Variants in MET observed in about 807,000 individuals in gnomAD.
The protein encoded by MET is MET proto-oncogene, receptor tyrosine kinase, also known as hepatocyte growth factor receptor.
A neutral mutation model predicts 133.1 loss-of-function variants in MET; 48 were observed. That is an observed-to-expected ratio of 0.36 (90% CI 0.29 to 0.46). The LOEUF (loss-of-function observed/expected upper bound fraction) is 0.46. Ranked by LOEUF, MET falls within the 20% of genes least tolerant of loss-of-function variation. The pLI, the probability that MET is intolerant of heterozygous loss-of-function variation, is 1.00. For missense variants in MET, 1,442 were observed against 1,695.9 expected (o/e 0.85, Z 2.63); for synonymous variants, 628 against 616.5 (o/e 1.02, Z -0.28).
At chr7:116,738,519 C>G (rs1793320317) in intron 3 of MET, among the ~76,000 whole-genome samples, 1 of 152,166 alleles carries the variant, frequency 6.6e-6, no homozygotes, top group Non-Finnish European at 1.5e-5. Flanking sequence ...CCAAGTGACC[C>G]TTCATCCATC....
intron 1 of MET, among the ~76,000 whole-genome samples, chr7:116,696,931 C>A (rs1796986081): frequency 6.6e-6 from 1 of 152,322 alleles, no homozygotes; most frequent in South Asian, 2.1e-4. Context: ...GAATCCTTCT[C>A]ATTTCCGCCT....
intron 11 of MET, among the ~76,000 whole-genome samples, chr7:116,767,456 G>A (rs1022870621): frequency 2.6e-5 from 4 of 152,132 alleles, no homozygotes; most frequent in African/African-American, 4.8e-5. Flanking sequence ...CACAGTAGAC[G>A]GTAAGTAGAT....
Position 116,797,685 on chromosome 7 carries a change from T to C in MET, c.*1561T>C. 1 of 227,268 alleles carries C rather than the reference T, an allele frequency of 4.4e-6. No individual in the cohort carries two copies. The highest frequency in any genetic ancestry group is 6.4e-5 in the East Asian group (1 of 15,704). 14.1% of individuals were successfully genotyped at this position (227,268 alleles called of 1,614,324 possible). ...AAATTTTGTTAGGCCACAAAAACACTGCACTGTGAACATTTTAGAAAAGGT... is the reference window on the plus strand; with the variant it reads ...AAATTTTGTTAGGCCACAAAAACACCGCACTGTGAACATTTTAGAAAAGGT... On this transcript the variant is annotated 3_prime_UTR_variant, in exon 21 of 21. Transcript: ENST00000397752.
intron 5 of MET, among the ~76,000 whole-genome samples, chr7:116,741,886 A>G (rs975128473): frequency 1.3e-5 from 2 of 152,214 alleles, no homozygotes; most frequent in African/African-American, 4.8e-5. Context: ...GTTTCTGGCA[A>G]TGGACATTGG....
At chr7:116,785,506 C>T (rs1795284917) in intron 19 of MET, among the ~76,000 whole-genome samples, 1 of 152,180 alleles carries the variant, frequency 6.6e-6, no homozygotes. Context: ...ACAACCAGAT[C>T]TCCGTAGAAT....
rs148354710 is a variant in MET, at chr7:116,741,546, A to G, written c.1701+521A>G. Among the ~76,000 whole-genome samples the G allele has an allele frequency of 2.2e-3, 330 of 152,338 alleles. 3 individuals are homozygous for G. The highest frequency in any genetic ancestry group is 7.5e-3 in the African/African-American group (313 of 41,572). ...TGATCCCTGCCATGCTGGGGCACAC[A>G]GGACAGTTTTCTTCCTGTCCGATGC... On this transcript the variant is annotated intron_variant, in intron 5 of 20. Coordinates refer to ENST00000397752, the MANE Select transcript of MET (RefSeq NM_000245.4).
chr7:116,757,385 C>G (rs2116918975), intron 6 of MET, 52 bp from the exon 7 acceptor site: 1 of 1,460,708 alleles, frequency 6.8e-7, no homozygotes. Context: ...AACAACCTAA[C>G]CAGAAAATTC....
intron 18 of MET, among the ~76,000 whole-genome samples, chr7:116,782,310 T>C (rs902606551): frequency 6.6e-6 from 1 of 152,058 alleles, no homozygotes. Context: ...CCATAGGGGG[T>C]CTTAAACAGC....
At chr7:116,733,672 A>T (rs1339577807) in intron 3 of MET, among the ~76,000 whole-genome samples, 1 of 152,230 alleles carries the variant, frequency 6.6e-6, no homozygotes, top group Non-Finnish European at 1.5e-5. Context: ...CATCCAAAAC[A>T]AAAGGTAAAA....
intron 2 of MET, among the ~76,000 whole-genome samples, chr7:116,717,029 C>T (rs1220707166): frequency 1.3e-5 from 2 of 152,214 alleles, no homozygotes; most frequent in Non-Finnish European, 2.9e-5. Context: ...GGATTACTTC[C>T]TCAAGAGGCG....
intron 2 of MET, among the ~76,000 whole-genome samples, chr7:116,726,181 G>GATATATAT (rs1792778566): frequency 6.3e-4 from 1 of 1,600 alleles, no homozygotes; most frequent in African/African-American, 2.1e-3. Context: ...ATATATATGG[G>GATATATAT]ATATAAAACA....
At chr7:116,712,209 C>T (rs904514538) in intron 2 of MET, among the ~76,000 whole-genome samples, 4 of 152,140 alleles carry the variant, frequency 2.6e-5, no homozygotes, top group Non-Finnish European at 4.4e-5. Flanking sequence ...ACACTTTTTC[C>T]CTATTCTTTA....
In MET at chr7:116,771,825, CTCTT is replaced by C. The variant is rs747887276; in HGVS notation, c.2888-16_2888-13del. ...GCCCATGATAGCCGTCTTTAACAAG[CTCTT>C]TCTTTCTCTCTGTTTTAAGATCTGG... is the stretch of plus-strand genomic sequence containing the variant. On this transcript the variant is annotated intron_variant, in intron 13 of 20. Coordinates refer to ENST00000397752, the MANE Select transcript of MET (RefSeq NM_000245.4). 19 of 1,613,552 alleles carry C rather than the reference CTCTT, an allele frequency of 1.2e-5. No homozygotes were observed. The highest frequency in any genetic ancestry group is 3.3e-5 in the Admixed American group (2 of 59,932).
intron 8 of MET, among the ~76,000 whole-genome samples, chr7:116,758,210 C>G (rs765356988): frequency 3.3e-5 from 5 of 152,074 alleles, no homozygotes; most frequent in Non-Finnish European, 5.9e-5. Flanking sequence ...TCAGTTTAAT[C>G]AAGTACCAAA....
At chr7:116,681,915 G>A (rs903691765) in intron 1 of MET, among the ~76,000 whole-genome samples, 1 of 151,010 alleles carries the variant, frequency 6.6e-6, no homozygotes, top group Non-Finnish European at 1.5e-5. Context: ...ATGTAAAGAA[G>A]TAACCAAAGC....
chr7:116,750,234 A>T (rs963125161), intron 5 of MET, among the ~76,000 whole-genome samples: 2 of 152,236 alleles, frequency 1.3e-5, no homozygotes, highest in African/African-American at 2.4e-5. Flanking sequence ...CAAAACAGAG[A>T]TATAGACCAA....
chr7:116,732,994 T>C (rs1247108719), intron 3 of MET, among the ~76,000 whole-genome samples: 1 of 152,186 alleles, frequency 6.6e-6, no homozygotes, highest in East Asian at 1.9e-4. Context: ...ATCTCCCTTC[T>C]ATTGCTTCAC....
intron 19 of MET, among the ~76,000 whole-genome samples, chr7:116,791,069 C>A (rs150691583): frequency 3.3e-5 from 5 of 152,200 alleles, no homozygotes; most frequent in Non-Finnish European, 4.4e-5. Context: ...CAGAGTGAGA[C>A]CCGTCTCAAA....
In MET at chr7:116,796,428, A is replaced by G. The variant is rs996243551; in HGVS notation, c.*304A>G. 3 of 468,292 alleles carry G rather than the reference A, an allele frequency of 6.4e-6. No individual in the cohort carries two copies. Among genetic ancestry groups the G allele is most frequent in the South Asian group, 2.3e-5 (1 of 44,266 alleles). The allele number at this position is 468,292 out of a possible 1,614,324, so 29.0% of individuals were successfully genotyped here. ...AAAATCAGGTACCACTTGATTTCAT[A>G]TGGGAAATTGAAGCAGGAAATATTG... On this transcript the variant is annotated 3_prime_UTR_variant, in exon 21 of 21. Transcript: ENST00000397752.
Sources: allele counts gnomAD v4.1 joint callset (sites outside exome capture counted in the v4.1 genomes callset), GRCh38; gene constraint gnomAD v4.1.1; transcripts MANE v1.5; gene names NCBI Gene and HGNC (gene_info 2026-07-23, HGNC 2026-07-21).